ZNF385D: variants seen among roughly 807,000 people sequenced by gnomAD.
ZNF385D encodes the protein zinc finger protein 659.
A neutral mutation model predicts 35.8 loss-of-function variants in ZNF385D; 15 were observed. The ratio of observed to expected loss-of-function variants is 0.42; its 90% CI spans 0.28 to 0.64. The LOEUF (loss-of-function observed/expected upper bound fraction) is 0.64. Ranked by LOEUF, ZNF385D falls within the 30% of genes least tolerant of loss-of-function variation. The pLI, the probability that ZNF385D is intolerant of heterozygous loss-of-function variation, is 0.23. For missense variants in ZNF385D, 474 were observed against 494.6 expected, an observed-to-expected ratio of 0.96 and a Z score of 0.39; for synonymous variants, 212 against 186.8, an observed-to-expected ratio of 1.13 and a Z score of -1.10.
At chr3:22,244,364 T>TAAAAAAAAAAAAAAAAAAAAA in intron 2 of ZNF385D, among the ~76,000 whole-genome samples, 1 of 62,558 alleles carries the variant, frequency 1.6e-5, no homozygotes, top group Non-Finnish European at 3.1e-5. Context: ...CAACCGAATG[T>TAAAAAAAAAAAAAAAAAAAAA]AAAAAAAAAA....
At chr3:22,371,752 G>A (rs1203958487) in intron 2 of ZNF385D, among the ~76,000 whole-genome samples, 1 of 152,126 alleles carries the variant, frequency 6.6e-6, no homozygotes. Context: ...GTAAAAAGAG[G>A]CACTAGCTGG....
At chr3:21,654,308 T>G (rs546707943) in intron 2 of ZNF385D, among the ~76,000 whole-genome samples, 268 of 152,158 alleles carry the variant, frequency 1.8e-3, no homozygotes, top group Non-Finnish European at 2.8e-3. Flanking sequence ...AGATAAAATG[T>G]GGAATAAGAG....
intron 3 of ZNF385D, among the ~76,000 whole-genome samples, chr3:21,823,080 G>C (rs1410219727): frequency 6.6e-6 from 1 of 151,130 alleles, no homozygotes; most frequent in Non-Finnish European, 1.5e-5. Flanking sequence ...GGATACTCAG[G>C]AGTTTTTATT....
intron 2 of ZNF385D, among the ~76,000 whole-genome samples, chr3:22,347,915 A>G (rs1215324069): frequency 1.3e-5 from 2 of 152,302 alleles, no homozygotes; most frequent in African/African-American, 2.4e-5. Context: ...GGAATGTGCA[A>G]TATCTAGAGT....
intron 3 of ZNF385D, among the ~76,000 whole-genome samples, chr3:21,887,871 T>G (rs1275269371): frequency 6.6e-6 from 1 of 151,946 alleles, no homozygotes; most frequent in Non-Finnish European, 1.5e-5. Context: ...ATAGAATGAG[T>G]TAAAATACTG....
At chr3:21,803,560 T>C (rs2072503990) in intron 3 of ZNF385D, among the ~76,000 whole-genome samples, 1 of 152,200 alleles carries the variant, frequency 6.6e-6, no homozygotes, top group Non-Finnish European at 1.5e-5. Context: ...AAATATATTT[T>C]CTTTAAAATT....
At chr3:21,683,273 C>T (rs1010974001) in intron 1 of ZNF385D, among the ~76,000 whole-genome samples, 1 of 149,812 alleles carries the variant, frequency 6.7e-6, no homozygotes, top group Admixed American at 6.7e-5. Context: ...CCTACATCAT[C>T]TGTAGGACTA....
At chr3:22,343,927 C>T (rs1249964809) in intron 2 of ZNF385D, among the ~76,000 whole-genome samples, 2 of 151,836 alleles carry the variant, frequency 1.3e-5, no homozygotes, top group Non-Finnish European at 2.9e-5. Flanking sequence ...TTTACCACAT[C>T]CATTAAAAAA....
chr3:21,549,662 CTCT>C (rs893909294), intron 3 of ZNF385D, among the ~76,000 whole-genome samples: 1 of 152,206 alleles, frequency 6.6e-6, no homozygotes, highest in African/African-American at 2.4e-5. Context: ...TCAGATGTGT[CTCT>C]TCTTTCACAC....
intron 3 of ZNF385D, among the ~76,000 whole-genome samples, chr3:22,001,885 T>C (rs891907267): frequency 6.6e-6 from 1 of 151,668 alleles, no homozygotes; most frequent in African/African-American, 2.4e-5. Flanking sequence ...ATTGAAAAAA[T>C]TATTGAAACA....
rs558216735 is a variant in ZNF385D at position 22,364,810 on chromosome 3, C to G, written c.106+7640G>C. Among the ~76,000 whole-genome samples, 17 of 152,042 alleles carry G rather than the reference C, an allele frequency of 1.1e-4. No homozygotes were observed. The East Asian group carries it at 3.3e-3, about 29-fold the overall frequency. On this transcript the variant is annotated intron_variant, in intron 2 of 5. Coordinates refer to the ZNF385D transcript ENST00000494108. ...ACTCATGTTTACAGCAACATTAAAC[C>G]GAAGCAGCCTTATACAACAGCTAAA...
intron 3 of ZNF385D, among the ~76,000 whole-genome samples, chr3:21,895,345 TAAGACA>T (rs1699078594): frequency 7.0e-6 from 1 of 143,184 alleles, no homozygotes; most frequent in African/African-American, 2.7e-5. Flanking sequence ...TTTTTTTTTT[TAAGACA>T]GAGTCTCACT....
chr3:21,681,946 C>A (rs1226475131), intron 1 of ZNF385D, among the ~76,000 whole-genome samples: 1 of 152,070 alleles, frequency 6.6e-6, no homozygotes, highest in Non-Finnish European at 1.5e-5. Context: ...ATGAACTGGT[C>A]AGCCAGTGAA....
intron 3 of ZNF385D, among the ~76,000 whole-genome samples, chr3:22,068,002 A>G (rs1364873000): frequency 1.7e-5 from 2 of 118,290 alleles, no homozygotes; most frequent in East Asian, 4.4e-4. Context: ...AAAGAGCAAG[A>G]CTCCACTGGA....
chr3:21,931,617 T>C (rs2125247776), intron 3 of ZNF385D, among the ~76,000 whole-genome samples: 1 of 152,168 alleles, frequency 6.6e-6, no homozygotes, highest in Non-Finnish European at 1.5e-5. Flanking sequence ...TATGGAAGCG[T>C]CCCCAACATA....
At chr3:22,259,361 T>C (rs1326634022) in intron 2 of ZNF385D, among the ~76,000 whole-genome samples, 2 of 148,230 alleles carry the variant, frequency 1.3e-5, no homozygotes, top group Non-Finnish European at 3.0e-5. Context: ...TTCATAGCAA[T>C]TATTAAGTCA....
chr3:22,340,877 G>A (rs139414528), intron 2 of ZNF385D, among the ~76,000 whole-genome samples: 6 of 152,204 alleles, frequency 3.9e-5, no homozygotes, highest in Admixed American at 6.5e-5. Context: ...AATTTCTATC[G>A]ACTATCACAA....
chr3:21,923,846 A>G (rs1027290764), intron 3 of ZNF385D, among the ~76,000 whole-genome samples: 2 of 152,002 alleles, frequency 1.3e-5, no homozygotes, highest in African/African-American at 4.8e-5. Flanking sequence ...AGGGGGAGGG[A>G]GGGGAGGAAA....
intron 5 of ZNF385D, chr3:21,431,138 C>T (rs1701276269): frequency 6.6e-6 from 1 of 152,120 alleles, no homozygotes; most frequent in Admixed American, 6.6e-5. Context: ...GAGGCATAGA[C>T]AGGAAAAATG....
Sources: gnomAD v4.1 joint callset for allele counts (sites outside exome capture counted in the v4.1 genomes callset) on GRCh38, gnomAD v4.1.1 for gene constraint, MANE v1.5 for transcripts, NCBI Gene and HGNC (gene_info 2026-07-23, HGNC 2026-07-21) for gene names.